The following NEDD4L variants were observed in gnomAD, a reference collection of about 807,000 sequenced individuals.
The protein encoded by NEDD4L is E3 ubiquitin-protein ligase NEDD4-like.
In NEDD4L, 54 loss-of-function variants were observed where a neutral mutation model predicts 148.9. That is an observed-to-expected ratio of 0.36 (90% CI 0.29 to 0.45). NEDD4L has a LOEUF of 0.45. Ranked by LOEUF, NEDD4L falls within the 20% of genes least tolerant of loss-of-function variation. The probability of loss-of-function intolerance (pLI) is 1.00; values close to 1 mark genes in which losing one functional copy is unlikely to be tolerated. For synonymous variants in NEDD4L, 433 were observed against 440.7 expected (o/e 0.98, Z 0.22); for missense variants, 856 against 1,233.8 (o/e 0.69, Z 4.59).
At chr18:58,260,606 A>C (rs1355488332) in intron 5 of NEDD4L, among the ~76,000 whole-genome samples, 1 of 152,234 alleles carries the variant, frequency 6.6e-6, no homozygotes, top group Non-Finnish European at 1.5e-5. Context: ...TAGGTGTAAT[A>C]ACATTATGTG....
intron 23 of NEDD4L, 149 bp downstream of exon 23, chr18:58,370,616 C>T (rs1287752186): frequency 7.5e-6 from 5 of 669,666 alleles, no homozygotes; most frequent in African/African-American, 7.1e-5. Flanking sequence ...TTGAAAAGTT[C>T]ATTGATCTAA....
rs1024577366 is a variant in NEDD4L at position 58,366,509 on chromosome 18, G to A, written c.2063+281G>A. On this transcript the variant is annotated intron_variant, in intron 21 of 30. Coordinates refer to ENST00000400345, the MANE Select transcript of NEDD4L (RefSeq NM_001144967.3). This position sits in a 1 kb window ranked among gnomAD's most constrained non-coding sequence, Gnocchi z 4.2. ...ATAATTATGATAAGGAACAGGAGGC[G>A]ATTTTCATTTGCAGTGTTCAAGAGG... 3 of 299,826 alleles carry A rather than the reference G, an allele frequency of 1.0e-5. No homozygotes were observed. The highest frequency in any genetic ancestry group is 1.8e-5 in the Non-Finnish European group (3 of 163,026). 18.6% of individuals were successfully genotyped at this position (299,826 alleles called of 1,614,324 possible).
chr18:58,108,409 T>C (rs755412889), intron 1 of NEDD4L, among the ~76,000 whole-genome samples: 10 of 152,192 alleles, frequency 6.6e-5, no homozygotes, highest in Non-Finnish European at 1.3e-4. Context: ...TATACTGTTA[T>C]TATTTTATTT....
chr18:58,076,850 CT>C (rs375840476), intron 1 of NEDD4L, among the ~76,000 whole-genome samples: 2,609 of 136,410 alleles, frequency 0.019, 56 homozygotes, highest in African/African-American at 0.063. Context: ...AATATACCTG[CT>C]TTTTTTTTTT....
At chr18:58,275,909 C>G (rs960865896) in intron 5 of NEDD4L, among the ~76,000 whole-genome samples, 2 of 152,142 alleles carry the variant, frequency 1.3e-5, no homozygotes, top group Non-Finnish European at 1.5e-5. Context: ...AGGTAGGGAG[C>G]AGTCAGGTCC....
intron 1 of NEDD4L, among the ~76,000 whole-genome samples, chr18:58,051,023 G>A (rs1433700666): frequency 1.3e-5 from 2 of 152,124 alleles, no homozygotes; most frequent in Admixed American, 6.5e-5. Context: ...TTGGGGGGCC[G>A]AGGTGGACAG....
At chr18:58,328,422 A>AGGT (rs1355651405) in intron 9 of NEDD4L, among the ~76,000 whole-genome samples, 1 of 152,196 alleles carries the variant, frequency 6.6e-6, no homozygotes, top group Non-Finnish European at 1.5e-5. Context: ...AGGGTAAAGG[A>AGGT]GGTAAATGCA....
intron 1 of NEDD4L, among the ~76,000 whole-genome samples, chr18:58,156,679 T>C (rs1257614517): frequency 1.3e-5 from 2 of 152,134 alleles, no homozygotes; most frequent in African/African-American, 4.8e-5. Flanking sequence ...GCTCTCAGCC[T>C]TGGGAGGCCA....
intron 13 of NEDD4L, among the ~76,000 whole-genome samples, chr18:58,339,457 A>C (rs1332256398): frequency 6.6e-6 from 1 of 152,104 alleles, no homozygotes; most frequent in Non-Finnish European, 1.5e-5. Flanking sequence ...TCGATGTTTA[A>C]TATTCATGAA....
intron 1 of NEDD4L, among the ~76,000 whole-genome samples, chr18:58,055,824 T>C (rs1470196598): frequency 6.6e-6 from 1 of 152,262 alleles, no homozygotes; most frequent in Admixed American, 6.5e-5. Context: ...TTTACATTGC[T>C]AGTAGTGGTT....
intron 1 of NEDD4L, among the ~76,000 whole-genome samples, chr18:58,048,399 A>G (rs978918450): frequency 1.2e-4 from 19 of 152,316 alleles, no homozygotes; most frequent in Admixed American, 9.1e-4. Context: ...CCTTGTGCAC[A>G]TACTATGTCA....
chr18:58,382,057 A>G (rs1461475776), intron 24 of NEDD4L, among the ~76,000 whole-genome samples: 4 of 152,396 alleles, frequency 2.6e-5, no homozygotes, highest in East Asian at 1.9e-4. Context: ...AATGGAAAGC[A>G]TAGTGGAAAA....
At chr18:58,232,858 T>G (rs767498947) in intron 2 of NEDD4L, among the ~76,000 whole-genome samples, 1 of 152,216 alleles carries the variant, frequency 6.6e-6, no homozygotes, top group African/African-American at 2.4e-5. Flanking sequence ...CCCTTTGGTC[T>G]CCCTGAGGAA....
At chr18:58,233,332 TG>T (rs2045483961) in intron 2 of NEDD4L, among the ~76,000 whole-genome samples, 1 of 152,202 alleles carries the variant, frequency 6.6e-6, no homozygotes, top group African/African-American at 2.4e-5. Flanking sequence ...AGAGGTTTAA[TG>T]TACTCAGTTC....
intron 2 of NEDD4L, among the ~76,000 whole-genome samples, chr18:58,168,320 C>T (rs2037123356): frequency 6.6e-6 from 1 of 152,176 alleles, no homozygotes; most frequent in South Asian, 2.1e-4. Flanking sequence ...TGGGTTAATG[C>T]CATCTTGGTG....
intron 1 of NEDD4L, chr18:58,149,532 C>T: frequency 6.4e-7 from 1 of 1,551,132 alleles, no homozygotes. Context: ...TTGTATTCTC[C>T]TAAATGAGAC....
chr18:58,093,382 G>T (rs138248502), intron 1 of NEDD4L, among the ~76,000 whole-genome samples: 1 of 152,266 alleles, frequency 6.6e-6, no homozygotes, highest in African/African-American at 2.4e-5. Flanking sequence ...TTCTCATTCA[G>T]CCTCTCAAGC....
At chr18:58,144,209 T>C (rs1050090329) in intron 1 of NEDD4L, among the ~76,000 whole-genome samples, 1 of 151,608 alleles carries the variant, frequency 6.6e-6, no homozygotes, top group Non-Finnish European at 1.5e-5. Flanking sequence ...AGAAAAGAAG[T>C]TTAATTGGTT....
At chr18:58,378,393 G>C (rs763631176) in intron 24 of NEDD4L, among the ~76,000 whole-genome samples, 1 of 152,224 alleles carries the variant, frequency 6.6e-6, no homozygotes, top group Non-Finnish European at 1.5e-5. Flanking sequence ...GAGTGAAAAG[G>C]CAGAAATGGT....
Sources: gnomAD v4.1 joint callset for allele counts (sites outside exome capture counted in the v4.1 genomes callset) on GRCh38, gnomAD v4.1.1 for gene constraint, Gnocchi (gnomAD v3.1) non-coding constraint, MANE v1.5 for transcripts, NCBI Gene and HGNC (gene_info 2026-07-23, HGNC 2026-07-21) for gene names.